Variants in ZNF215 observed in about 807,000 individuals in gnomAD.
The protein encoded by ZNF215 is BWSCR2-associated zinc finger protein 2.
ZNF215 carries 24 observed loss-of-function variants against 27.2 expected under a neutral mutation model. The observed-to-expected ratio is 0.88, with a 90% CI of 0.64 to 1.24. The LOEUF (loss-of-function observed/expected upper bound fraction) is 1.24. Ranked by LOEUF, ZNF215 falls within the 50% of genes most tolerant of loss-of-function variation. The pLI is 0.00. For synonymous variants in ZNF215, 210 were observed against 204.0 expected, an observed-to-expected ratio of 1.03 and a Z score of -0.25; for missense variants, 675 against 605.7, an observed-to-expected ratio of 1.11 and a Z score of -1.20.
chr11:6,992,899 A>G (rs1590094110), downstream of ZNF215, among the ~76,000 whole-genome samples: 1 of 152,080 alleles, frequency 6.6e-6, no homozygotes. Flanking sequence ...GCCAGTCACA[A>G]TGCACAGTCA....
At position 6,956,065 on chromosome 11, in the gene ZNF215, T is replaced by G; in HGVS notation, c.1088T>G (p.Leu363Trp). 6.2e-7 allele frequency: 1 copy of G among 1,610,804 alleles called. No individual in the cohort carries two copies. Among genetic ancestry groups the G allele is most frequent in the African/African-American group, 1.3e-5 (1 of 74,878 alleles). Residue 363 changes from leucine (L) to tryptophan (W), a missense_variant, in exon 7 of 7, where the codon TTG becomes TGG. By Grantham distance (61) the Leu-to-Trp change is moderately conservative. Coordinates refer to ENST00000278319, the MANE Select transcript of ZNF215 (RefSeq NM_013250.4). The part of the protein sequence containing the change: ...SEYEYGNDLS[L>W]STDIRHQKSH... ...TATGAATATGGGAATGACTTGAGTT[T>G]GAGTACAGATATTCGACACCAAAAA...
downstream of ZNF215, chr11:6,988,205 CA>C (rs1851080496): frequency 7.1e-6 from 7 of 985,302 alleles, no homozygotes; most frequent in Non-Finnish European, 8.4e-6. Flanking sequence ...CCTTCTTCCT[CA>C]CATCGATAGG....
downstream of ZNF215, chr11:6,988,169 G>A (rs949114153): frequency 1.3e-5 from 13 of 984,012 alleles, no homozygotes; most frequent in South Asian, 5.2e-4. Flanking sequence ...CAATTACCTT[G>A]TAGAGAATTA....
downstream of ZNF215, among the ~76,000 whole-genome samples, chr11:6,993,270 C>T (rs1238945191): frequency 6.6e-6 from 1 of 152,166 alleles, no homozygotes; most frequent in Non-Finnish European, 1.5e-5. Context: ...CTGCAACTCG[C>T]CTTGAATTCC....
chr11:6,983,662 T>A (rs2133358428), intron 5 of ZNF215, among the ~76,000 whole-genome samples: 1 of 152,256 alleles, frequency 6.6e-6, no homozygotes, highest in South Asian at 2.1e-4. Flanking sequence ...TATTATGAAG[T>A]GGAAATAGCA....
chr11:6,973,753 T>G (rs897071908), intron 5 of ZNF215, among the ~76,000 whole-genome samples: 29 of 152,232 alleles, frequency 1.9e-4, no homozygotes, highest in African/African-American at 6.8e-4. Flanking sequence ...TGTTTTAACC[T>G]TGTAAACTTG....
chr11:6,978,814 T>C (rs555181764), intron 5 of ZNF215, among the ~76,000 whole-genome samples: 1 of 152,210 alleles, frequency 6.6e-6, no homozygotes, highest in African/African-American at 2.4e-5. Flanking sequence ...AAAATGTTCA[T>C]AATAAAATGT....
intron 5 of ZNF215, among the ~76,000 whole-genome samples, chr11:6,978,278 A>G (rs1329560620): frequency 6.6e-6 from 1 of 152,060 alleles, no homozygotes; most frequent in East Asian, 1.9e-4. Context: ...AATGTGAAAA[A>G]TACACTGATT....
At chr11:6,975,218 C>A (rs1269725741) in intron 5 of ZNF215, among the ~76,000 whole-genome samples, 1 of 151,936 alleles carries the variant, frequency 6.6e-6, no homozygotes. Flanking sequence ...ATATGTTGAA[C>A]CAGCCTTGCT....
At chr11:6,950,753 G>T (rs1228763164) in intron 6 of ZNF215, among the ~76,000 whole-genome samples, 1 of 148,878 alleles carries the variant, frequency 6.7e-6, no homozygotes, top group Non-Finnish European at 1.5e-5. Context: ...GCCCTGGCCA[G>T]AACTTCCAAC....
chr11:6,984,044 C>A, intron 5 of ZNF215: 1 of 357,326 alleles, frequency 2.8e-6, no homozygotes, highest in Admixed American at 3.9e-5. Flanking sequence ...AACATACTCT[C>A]AAACGCTATC....
intron 6 of ZNF215, among the ~76,000 whole-genome samples, chr11:6,944,004 G>GCA (rs1849727737): frequency 2.0e-5 from 3 of 152,300 alleles, no homozygotes; most frequent in African/African-American, 7.2e-5. Context: ...GGCTGGGCGT[G>GCA]GTGGCTCACG....
chr11:6,927,951 T>C, intron 2 of ZNF215, 144 bp downstream of exon 2: 1 of 152,236 alleles, frequency 6.6e-6, no homozygotes, highest in East Asian at 1.9e-4. Context: ...TATCAGGAGC[T>C]TCAGCTGTGC....
At chr11:6,936,574 C>A (rs1849443600) in intron 3 of ZNF215, among the ~76,000 whole-genome samples, 1 of 151,962 alleles carries the variant, frequency 6.6e-6, no homozygotes, top group Non-Finnish European at 1.5e-5. Context: ...AAAATTAACA[C>A]CAGTATTCTC....
At chr11:6,974,767 G>T (rs866648929) in intron 5 of ZNF215, among the ~76,000 whole-genome samples, 35 of 152,090 alleles carry the variant, frequency 2.3e-4, no homozygotes, top group South Asian at 6.2e-4. Context: ...TGCTGAAGTT[G>T]CTTATCAGCT....
intron 6 of ZNF215, 105 bp downstream of exon 6, chr11:6,943,746 C>T: frequency 1.1e-6 from 1 of 897,598 alleles, no homozygotes; most frequent in African/African-American, 1.7e-5. Flanking sequence ...AAGGAGATAG[C>T]AAAACCTAAA....
Position 6,956,614 on chromosome 11 carries a change from G to T in ZNF215, c.*83G>T. ...GAATTTATGCTGGATAAAATCTCATGAATATAATGTAAGAAAACATTTGTC... is the reference window on the plus strand; with the variant it reads ...GAATTTATGCTGGATAAAATCTCATTAATATAATGTAAGAAAACATTTGTC... On this transcript the variant is annotated 3_prime_UTR_variant, in exon 7 of 7. Transcript: ENST00000278319. The T allele has an allele frequency of 6.9e-7, 1 of 1,451,446 alleles. No homozygotes were observed. 89.9% of individuals were successfully genotyped at this position (1,451,446 alleles called of 1,614,324 possible). A position where few individuals can be genotyped will look rare whatever the true frequency, so the allele number is the denominator to read the frequency against.
Position 6,930,338 on chromosome 11 carries a change from T to A in ZNF215, c.-179-1756T>A, listed in dbSNP as rs7937124. On this transcript the variant is annotated intron_variant, in intron 2 of 6. Coordinates refer to ENST00000278319, the MANE Select transcript of ZNF215 (RefSeq NM_013250.4). ...CAAGGAAATGTGTGTTTATACTAATTTATGTATATATACATATCTGTAAAT... is the reference window on the plus strand; with the variant it reads ...CAAGGAAATGTGTGTTTATACTAATATATGTATATATACATATCTGTAAAT... 6.6e-3 allele frequency among the ~76,000 whole-genome samples: 1,012 copies of A among 152,314 alleles called. 15 individuals are homozygous for A. The highest frequency in any genetic ancestry group is 0.021 in the African/African-American group (888 of 41,540).
At chr11:6,980,914 C>G (rs945346275) in intron 5 of ZNF215, among the ~76,000 whole-genome samples, 5 of 150,992 alleles carry the variant, frequency 3.3e-5, no homozygotes, top group African/African-American at 4.9e-5. Flanking sequence ...CCAATTTCAT[C>G]CATGTCCCTA....
Sources: gnomAD v4.1 joint callset for allele counts (sites outside exome capture counted in the v4.1 genomes callset) on GRCh38, gnomAD v4.1.1 for gene constraint, MANE v1.5 for transcripts, NCBI Gene and HGNC (gene_info 2026-07-23, HGNC 2026-07-21) for gene names.